The following DRC11 variants were observed in gnomAD, a reference collection of about 807,000 sequenced individuals.
DRC11 encodes the protein dynein regulatory complex subunit 11.
At chr2:236,427,309 T>G in the DRC11 span, among the ~76,000 whole-genome samples, 1 of 152,158 alleles carries the variant, frequency 6.6e-6, no homozygotes, top group Non-Finnish European at 1.5e-5. The surrounding 1 kb of genome is among the most constrained non-coding windows in gnomAD (Gnocchi z 5.9). Context: ...TTTGGAAGTA[T>G]TTATTTCTCT....
the DRC11 span, among the ~76,000 whole-genome samples, chr2:236,506,965 C>T: frequency 6.6e-6 from 1 of 152,156 alleles, no homozygotes; most frequent in South Asian, 2.1e-4. The surrounding 1 kb of genome is among the most constrained non-coding windows in gnomAD (Gnocchi z 4.9). Context: ...CAGCAATAGC[C>T]CCTAAGGGCT....
chr2:236,438,346 C>A, the DRC11 span, among the ~76,000 whole-genome samples: 1 of 142,922 alleles, frequency 7.0e-6, no homozygotes, highest in South Asian at 2.3e-4. Context: ...GTTACTGTAG[C>A]CTTGTAGTAT....
the DRC11 span, chr2:236,344,637 G>C: frequency 6.2e-7 from 1 of 1,612,926 alleles, no homozygotes; most frequent in Middle Eastern, 1.7e-4. Flanking sequence ...TGGAGCTGTC[G>C]AGCCACCTGC....
chr2:236,467,125 G>A, the DRC11 span, among the ~76,000 whole-genome samples: 5 of 152,134 alleles, frequency 3.3e-5, no homozygotes, highest in Admixed American at 3.3e-4. Context: ...CAAGAGTTTT[G>A]AAAGTCCATC....
At chr2:236,504,909 C>G in the DRC11 span, among the ~76,000 whole-genome samples, 2 of 152,296 alleles carry the variant, frequency 1.3e-5, no homozygotes, top group Admixed American at 1.3e-4. This position sits in a 1 kb window ranked among gnomAD's most constrained non-coding sequence, Gnocchi z 5.0. Context: ...ACTTCCCAGT[C>G]CTGCAGAACT....
the DRC11 span, chr2:236,454,572 T>G: frequency 6.6e-6 from 1 of 152,244 alleles, no homozygotes; most frequent in Non-Finnish European, 1.5e-5. This position sits in a 1 kb window ranked among gnomAD's most constrained non-coding sequence, Gnocchi z 5.3. Flanking sequence ...CTCACCTCTC[T>G]GCATGTGACC....
At chr2:236,498,973 A>G in the DRC11 span, among the ~76,000 whole-genome samples, 1 of 152,230 alleles carries the variant, frequency 6.6e-6, no homozygotes, top group Non-Finnish European at 1.5e-5. Flanking sequence ...AGCCCTGATC[A>G]TTGATGAAGG....
the DRC11 span, among the ~76,000 whole-genome samples, chr2:236,315,872 A>C: frequency 1.3e-5 from 2 of 152,142 alleles, no homozygotes; most frequent in East Asian, 3.9e-4. This position sits in a 1 kb window ranked among gnomAD's most constrained non-coding sequence, Gnocchi z 5.1. Context: ...GGAGAGCATT[A>C]GGGAAAAGAG....
chr2:236,356,875 A>G, the DRC11 span, among the ~76,000 whole-genome samples: 244 of 143,226 alleles, frequency 1.7e-3, no homozygotes, highest in Non-Finnish European at 2.1e-3. Context: ...AATATTTATC[A>G]AATATTTATA....
chr2:236,489,233 G>A, the DRC11 span, among the ~76,000 whole-genome samples: 2 of 144,094 alleles, frequency 1.4e-5, no homozygotes, highest in Admixed American at 1.4e-4. Flanking sequence ...GCCTGTGTGG[G>A]CTCCGGGTGC....
At chr2:236,489,867 A>G in the DRC11 span, among the ~76,000 whole-genome samples, 1 of 152,212 alleles carries the variant, frequency 6.6e-6, no homozygotes. Context: ...GGAGGCTACA[A>G]TAAGCTATGA....
chr2:236,368,384 C>T, the DRC11 span: 5 of 711,136 alleles, frequency 7.0e-6, no homozygotes, highest in South Asian at 1.7e-5. Flanking sequence ...GCAAAACGAT[C>T]GGAGAATACA....
chr2:236,331,422 A>G, the DRC11 span: 2 of 1,613,898 alleles, frequency 1.2e-6, no homozygotes, highest in Non-Finnish European at 1.7e-6. The surrounding 1 kb of genome is among the most constrained non-coding windows in gnomAD (Gnocchi z 4.8). Context: ...TAATAAACTC[A>G]ACTGCAGTGA....
At chr2:236,393,661 A>T in the DRC11 span, among the ~76,000 whole-genome samples, 1 of 152,214 alleles carries the variant, frequency 6.6e-6, no homozygotes, top group Non-Finnish European at 1.5e-5. The surrounding 1 kb of genome is among the most constrained non-coding windows in gnomAD (Gnocchi z 4.7). Flanking sequence ...TGGACAAGGA[A>T]AGGGGCAGGG....
chr2:236,393,956 G>T, the DRC11 span, among the ~76,000 whole-genome samples: 1 of 152,182 alleles, frequency 6.6e-6, no homozygotes, highest in Middle Eastern at 3.4e-3. The surrounding 1 kb of genome is among the most constrained non-coding windows in gnomAD (Gnocchi z 4.7). Context: ...CCTTCCTCAC[G>T]CTGATATGGT....
chr2:236,501,253 C>T, the DRC11 span, among the ~76,000 whole-genome samples: 2 of 152,238 alleles, frequency 1.3e-5, no homozygotes, highest in South Asian at 2.1e-4. Context: ...AATCCACCTC[C>T]GTGATCCAAT....
chr2:236,385,198 A>C, the DRC11 span, among the ~76,000 whole-genome samples: 1 of 151,088 alleles, frequency 6.6e-6, no homozygotes, highest in Non-Finnish European at 1.5e-5. Flanking sequence ...TTCTGTGAAG[A>C]AAGTCATTGG....
the DRC11 span, chr2:236,380,713 G>T: frequency 1.7e-3 from 1,900 of 1,090,438 alleles, 24 homozygotes; most frequent in African/African-American, 0.025. This position sits in a 1 kb window ranked among gnomAD's most constrained non-coding sequence, Gnocchi z 4.9. Context: ...AGCTAAGCAC[G>T]TTGTTTTCTG....
the DRC11 span, among the ~76,000 whole-genome samples, chr2:236,364,799 T>C: frequency 3.9e-5 from 6 of 152,230 alleles, no homozygotes; most frequent in African/African-American, 1.4e-4. Flanking sequence ...TGGGCTCTTT[T>C]TGATACTCTG....
Sources: gnomAD v4.1 joint callset for allele counts (sites outside exome capture counted in the v4.1 genomes callset) on GRCh38, gnomAD v4.1.1 for gene constraint, Gnocchi (gnomAD v3.1) non-coding constraint, MANE v1.5 for transcripts, NCBI Gene and HGNC (gene_info 2026-07-23, HGNC 2026-07-21) for gene names.